The following PPM1H variants were observed in gnomAD, a reference collection of about 807,000 sequenced individuals.
PPM1H encodes protein phosphatase, Mg2+/Mn2+ dependent 1H, also known as protein phosphatase 1H.
Under a neutral mutation model 54.9 loss-of-function variants are expected in PPM1H, and 27 were observed. The ratio of observed to expected loss-of-function variants is 0.49; its 90% CI spans 0.36 to 0.68. The LOEUF is 0.68. Ranked by LOEUF, PPM1H falls within the 30% of genes least tolerant of loss-of-function variation. The pLI, the probability that PPM1H is intolerant of heterozygous loss-of-function variation, is 0.00. For synonymous variants in PPM1H, 305 were observed against 270.8 expected (o/e 1.13, Z -1.24); for missense variants, 596 against 667.8 (o/e 0.89, Z 1.19).
At chr12:62,778,851 A>G (rs2704756) in intron 4 of PPM1H, among the ~76,000 whole-genome samples, 8,915 of 152,076 alleles carry the variant, frequency 0.059, 390 homozygotes, top group African/African-American at 0.12. Context: ...AGATGGCTTG[A>G]GCCAAGGAGT....
Position 62,934,480 on chromosome 12 carries a change from C to A in PPM1H, c.245+12G>T. On this transcript the variant is annotated intron_variant, in intron 1 of 9. Transcript: ENST00000228705. The surrounding 1 kb of genome is among the most constrained non-coding windows in gnomAD (Gnocchi z 4.2). ...AGGAGAGCAGGGGCGCCGCCGGTGT[C>A]GCTGCACTCACTCTGCGTAGCCAGT... 6.5e-7 allele frequency: 1 copy of A among 1,535,834 alleles called. No individual in the cohort carries two copies. Among genetic ancestry groups the A allele is most frequent in the South Asian group, 1.2e-5 (1 of 82,652 alleles).
chr12:62,856,325 G>A (rs1403054606), intron 1 of PPM1H, among the ~76,000 whole-genome samples: 3 of 152,162 alleles, frequency 2.0e-5, no homozygotes, highest in Admixed American at 1.3e-4. Flanking sequence ...ATGAGCATAA[G>A]TTAAAGAGGG....
intron 9 of PPM1H, among the ~76,000 whole-genome samples, chr12:62,650,381 T>A (rs2075808982): frequency 6.6e-6 from 1 of 152,168 alleles, no homozygotes; most frequent in Non-Finnish European, 1.5e-5. Context: ...GAGGCAGAAA[T>A]CTTTAAGTTA....
At chr12:62,664,968 T>A (rs1323491556) in intron 9 of PPM1H, among the ~76,000 whole-genome samples, 1 of 152,012 alleles carries the variant, frequency 6.6e-6, no homozygotes, top group Non-Finnish European at 1.5e-5. Context: ...TGGCTGTCAG[T>A]CTGAATGTCT....
chr12:62,650,716 G>A (rs140516090), intron 9 of PPM1H, among the ~76,000 whole-genome samples: 25 of 151,810 alleles, frequency 1.6e-4, no homozygotes, highest in East Asian at 1.4e-3. Flanking sequence ...ACATGGCAGC[G>A]GGAGACAGTG....
intron 9 of PPM1H, 101 bp from the exon 10 acceptor site, chr12:62,648,737 A>ATAAG: frequency 1.5e-6 from 2 of 1,309,904 alleles, no homozygotes; most frequent in Non-Finnish European, 2.1e-6. Flanking sequence ...AGTTGTATAA[A>ATAAG]TAAGTTTCAA....
chr12:62,758,726 G>C (rs960082649), intron 4 of PPM1H, among the ~76,000 whole-genome samples: 2 of 152,152 alleles, frequency 1.3e-5, no homozygotes, highest in Non-Finnish European at 1.5e-5. Context: ...AACTATCTGA[G>C]AGCTAAGAGA....
chr12:62,869,930 G>T (rs1216875691), intron 1 of PPM1H, among the ~76,000 whole-genome samples: 1 of 152,130 alleles, frequency 6.6e-6, no homozygotes, highest in Non-Finnish European at 1.5e-5. Context: ...GCCTTACAGT[G>T]CCTCAGAGAG....
At chr12:62,705,129 G>A (rs1026079243) in intron 6 of PPM1H, among the ~76,000 whole-genome samples, 2 of 151,936 alleles carry the variant, frequency 1.3e-5, no homozygotes, top group African/African-American at 2.4e-5. Flanking sequence ...ACAAACACAC[G>A]GCAAAAAACA....
intron 9 of PPM1H, among the ~76,000 whole-genome samples, chr12:62,649,148 T>TA (rs1281767742): frequency 3.9e-5 from 6 of 152,126 alleles, no homozygotes; most frequent in East Asian, 1.9e-4. Context: ...GGAAAAATGT[T>TA]AAAAATAATA....
chr12:62,759,613 G>A (rs2076495210), intron 4 of PPM1H, among the ~76,000 whole-genome samples: 1 of 152,200 alleles, frequency 6.6e-6, no homozygotes, highest in African/African-American at 2.4e-5. Context: ...TTTCAGAGGT[G>A]TCTGACCACT....
At chr12:62,775,971 G>A (rs537994489) in intron 4 of PPM1H, among the ~76,000 whole-genome samples, 1 of 152,270 alleles carries the variant, frequency 6.6e-6, no homozygotes, top group Admixed American at 6.5e-5. Flanking sequence ...CATGGCAGAG[G>A]GTGAAGGAGG....
chr12:62,649,691 G>A (rs567165312), intron 9 of PPM1H, among the ~76,000 whole-genome samples: 1 of 152,308 alleles, frequency 6.6e-6, no homozygotes, highest in South Asian at 2.1e-4. Context: ...ATTATGATCT[G>A]CCTCCCTGTG....
intron 1 of PPM1H, among the ~76,000 whole-genome samples, chr12:62,920,183 G>A (rs1293625271): frequency 1.3e-5 from 2 of 152,082 alleles, no homozygotes; most frequent in Non-Finnish European, 2.9e-5. Context: ...CATACCTTAT[G>A]GGGAAACACT....
Position 62,844,830 on chromosome 12 carries a change from T to C in PPM1H, c.246-12551A>G, listed in dbSNP as rs1447010090. ...ATAATGACGGTGTTCTAAGCCTGCCTATATATTTCTTAAAGCTTACAATAT... is the reference window on the plus strand; with the variant it reads ...ATAATGACGGTGTTCTAAGCCTGCCCATATATTTCTTAAAGCTTACAATAT... On this transcript the variant is annotated intron_variant, in intron 1 of 9. Transcript: ENST00000228705. The surrounding 1 kb of genome is among the most constrained non-coding windows in gnomAD (Gnocchi z 5.2). 6.6e-6 allele frequency among the ~76,000 whole-genome samples: 1 copy of C among 152,258 alleles called. No individual in the cohort carries two copies. Among genetic ancestry groups the C allele is most frequent in the Non-Finnish European group, 1.5e-5 (1 of 68,044 alleles).
At chr12:62,876,154 T>C (rs1870160196) in intron 1 of PPM1H, among the ~76,000 whole-genome samples, 1 of 152,130 alleles carries the variant, frequency 6.6e-6, no homozygotes, top group South Asian at 2.1e-4. Context: ...CTGTACATGC[T>C]GAAAAATTAA....
At chr12:62,892,275 C>T (rs1870825615) in intron 1 of PPM1H, among the ~76,000 whole-genome samples, 1 of 152,158 alleles carries the variant, frequency 6.6e-6, no homozygotes, top group African/African-American at 2.4e-5. Context: ...AACAACAGTC[C>T]TGTGTAACCT....
At chr12:62,897,888 T>C (rs1871044385) in intron 1 of PPM1H, among the ~76,000 whole-genome samples, 1 of 152,052 alleles carries the variant, frequency 6.6e-6, no homozygotes, top group African/African-American at 2.4e-5. Flanking sequence ...ACAGAAGGTG[T>C]AATGGAGTGG....
chr12:62,788,108 T>A, intron 4 of PPM1H, 118 bp downstream of exon 4: 1 of 724,504 alleles, frequency 1.4e-6, no homozygotes, highest in South Asian at 1.8e-5. Context: ...TAAATGCATT[T>A]TCATTCTGAT....
Sources: allele counts gnomAD v4.1 joint callset (sites outside exome capture counted in the v4.1 genomes callset), GRCh38; gene constraint gnomAD v4.1.1; non-coding constraint Gnocchi (gnomAD v3.1); transcripts MANE v1.5; gene names NCBI Gene and HGNC (gene_info 2026-07-23, HGNC 2026-07-21).